Variants in PRELID2 observed in about 807,000 individuals in gnomAD.
The protein encoded by PRELID2 is PRELI domain-containing protein 2.
Under a neutral mutation model 28.4 loss-of-function variants are expected in PRELID2, and 25 were observed. The ratio of observed to expected loss-of-function variants is 0.88; its 90% CI spans 0.64 to 1.23. The LOEUF (loss-of-function observed/expected upper bound fraction) is 1.23, where lower values mean the gene tolerates loss of function less well. Among genes scored for constraint, PRELID2 ranks in the 50% most tolerant of loss-of-function variants. PRELID2 has a pLI of 0.00. For missense variants in PRELID2, 201 were observed against 214.4 expected, an observed-to-expected ratio of 0.94 and a Z score of 0.39; for synonymous variants, 76 against 71.6, an observed-to-expected ratio of 1.06 and a Z score of -0.31.
At chr5:145,567,087 A>G (rs1752973262) in intron 1 of PRELID2, among the ~76,000 whole-genome samples, 1 of 152,208 alleles carries the variant, frequency 6.6e-6, no homozygotes, top group African/African-American at 2.4e-5. Context: ...TTTAACAAGG[A>G]GGATAATAAA....
At chr5:145,357,855 C>T in the PRELID2 span, among the ~76,000 whole-genome samples, 31 of 151,206 alleles carry the variant, frequency 2.1e-4, no homozygotes, top group African/African-American at 7.0e-4. Flanking sequence ...CATGCTAGTT[C>T]TTTCTCATCT....
At chr5:145,264,364 C>A in the PRELID2 span, among the ~76,000 whole-genome samples, 1 of 152,010 alleles carries the variant, frequency 6.6e-6, no homozygotes, top group Non-Finnish European at 1.5e-5. Context: ...ATGTAATACA[C>A]CACATACACA....
intron 1 of PRELID2, among the ~76,000 whole-genome samples, chr5:145,634,352 T>C (rs1457311189): frequency 6.6e-6 from 1 of 152,124 alleles, no homozygotes; most frequent in Non-Finnish European, 1.5e-5. Flanking sequence ...AAATCCAGAC[T>C]CTTCAGCATG....
At chr5:145,394,808 T>C in the PRELID2 span, among the ~76,000 whole-genome samples, 1 of 152,156 alleles carries the variant, frequency 6.6e-6, no homozygotes, top group Non-Finnish European at 1.5e-5. Context: ...AAGAGTCCAT[T>C]TTGATTCTGG....
intron 4 of PRELID2, among the ~76,000 whole-genome samples, 165 bp from the exon 5 acceptor site, chr5:145,796,712 T>C (rs1034979750): frequency 2.0e-5 from 3 of 152,158 alleles, no homozygotes; most frequent in Admixed American, 6.5e-5. Flanking sequence ...AAGTAACTTA[T>C]AGTTTATATA....
the PRELID2 span, among the ~76,000 whole-genome samples, chr5:145,414,163 G>C: frequency 6.6e-6 from 1 of 152,076 alleles, no homozygotes. Context: ...CTCCCTAGTT[G>C]GTCAAGCAAC....
chr5:145,305,031 G>T, the PRELID2 span, among the ~76,000 whole-genome samples: 6 of 152,150 alleles, frequency 3.9e-5, no homozygotes, highest in East Asian at 3.9e-4. Flanking sequence ...ATTACAAACC[G>T]CACTGTCCAT....
the PRELID2 span, among the ~76,000 whole-genome samples, chr5:145,281,800 G>A: frequency 6.6e-6 from 1 of 152,184 alleles, no homozygotes. Flanking sequence ...AATTAGAATT[G>A]TATGGACTTG....
At chr5:145,608,070 T>C (rs1339714426) in intron 1 of PRELID2, among the ~76,000 whole-genome samples, 12 of 151,196 alleles carry the variant, frequency 7.9e-5, no homozygotes, top group African/African-American at 2.9e-4. Flanking sequence ...ATTAAAATAG[T>C]AAACCCTGCT....
At chr5:145,279,824 T>A in the PRELID2 span, among the ~76,000 whole-genome samples, 5,558 of 151,004 alleles carry the variant, frequency 0.037, 349 homozygotes, top group African/African-American at 0.13. Context: ...CAAATTTAGT[T>A]TTTGAGAAAA....
At chr5:145,671,973 T>C (rs1754715627) in intron 1 of PRELID2, among the ~76,000 whole-genome samples, 1 of 152,176 alleles carries the variant, frequency 6.6e-6, no homozygotes, top group Non-Finnish European at 1.5e-5. Context: ...AATGGTAAAA[T>C]TGCCCAAGTG....
the PRELID2 span, among the ~76,000 whole-genome samples, chr5:145,235,794 G>A: frequency 1.3e-5 from 2 of 152,078 alleles, no homozygotes; most frequent in African/African-American, 2.4e-5. Flanking sequence ...AAAGGGAAGA[G>A]CATATGCAAA....
chr5:145,721,404 A>C (rs1294571426), intron 1 of PRELID2, among the ~76,000 whole-genome samples: 3 of 152,198 alleles, frequency 2.0e-5, no homozygotes, highest in Non-Finnish European at 2.9e-5. Flanking sequence ...AATAAAGGCT[A>C]ACCAGCAGAC....
chr5:145,810,079 T>C (rs1052219027), intron 4 of PRELID2, among the ~76,000 whole-genome samples: 4 of 152,130 alleles, frequency 2.6e-5, no homozygotes, highest in Admixed American at 6.5e-5. Context: ...TTTTGGAGGG[T>C]AAAAACCATG....
chr5:145,640,047 G>GT (rs925619182), intron 1 of PRELID2, among the ~76,000 whole-genome samples: 25 of 151,914 alleles, frequency 1.6e-4, no homozygotes, highest in Non-Finnish European at 2.2e-4. Context: ...CATTGGTGGG[G>GT]TTTTTTTTAA....
chr5:145,663,223 C>T (rs1163801704), intron 1 of PRELID2, among the ~76,000 whole-genome samples: 2 of 152,246 alleles, frequency 1.3e-5, no homozygotes, highest in Admixed American at 6.5e-5. Context: ...ACACAGGCCT[C>T]TTCTCACCTC....
At chr5:145,770,497 C>A (rs1244478940) in intron 5 of PRELID2, among the ~76,000 whole-genome samples, 3 of 152,082 alleles carry the variant, frequency 2.0e-5, no homozygotes, top group African/African-American at 7.2e-5. Context: ...AAGTGAGAGA[C>A]CCTGTCTCTG....
intron 4 of PRELID2, among the ~76,000 whole-genome samples, chr5:145,817,206 A>ATATATATATATATATATATATAT (rs1423577359): frequency 4.8e-5 from 3 of 62,850 alleles, no homozygotes; most frequent in Admixed American, 2.0e-4. Flanking sequence ...AAAATAAATA[A>ATATATATATATATATATATATAT]ATAAATAAAA....
chr5:145,719,420 G>A (rs1755927978), intron 1 of PRELID2, among the ~76,000 whole-genome samples: 1 of 151,442 alleles, frequency 6.6e-6, no homozygotes, highest in African/African-American at 2.4e-5. Flanking sequence ...GTGAAGAGAA[G>A]CATGTAAAAG....
Sources: gnomAD v4.1 joint callset for allele counts (sites outside exome capture counted in the v4.1 genomes callset) on GRCh38, gnomAD v4.1.1 for gene constraint, MANE v1.5 for transcripts, NCBI Gene and HGNC (gene_info 2026-07-23, HGNC 2026-07-21) for gene names.